KCNQ5: variants seen among roughly 807,000 people sequenced by gnomAD.
The protein encoded by KCNQ5 is potassium voltage-gated channel subfamily Q member 5, also known as potassium voltage-gated channel subfamily KQT member 5.
A neutral mutation model predicts 98.2 loss-of-function variants in KCNQ5; 30 were observed. The ratio of observed to expected loss-of-function variants is 0.31; its 90% confidence interval spans 0.23 to 0.41. The LOEUF is 0.41. Among genes scored for constraint, KCNQ5 ranks in the 10% least tolerant of loss-of-function variants. KCNQ5 has a pLI of 1.00. For missense variants in KCNQ5, 835 were observed against 1,182.5 expected (o/e 0.71, Z 4.31); for synonymous variants, 458 against 449.4 (o/e 1.02, Z -0.24).
chr6:72,798,311 G>A (rs11967126), intron 1 of KCNQ5, among the ~76,000 whole-genome samples: 8,019 of 152,194 alleles, frequency 0.053, 661 homozygotes, highest in African/African-American at 0.18. Flanking sequence ...CAAAGTTTAT[G>A]TGTTGGAAAG....
rs1443011487 is a variant in KCNQ5, at chr6:73,195,071, G to C, written c.2456G>C (p.Cys819Ser). 6.2e-7 allele frequency: 1 copy of C among 1,614,224 alleles called. No homozygotes were observed. ...DMGGETLLSV[C>S]PMVPKDLGKS... ...GGAGGAGAAACTCTGTTGTCTGTCT[G>C]TCCCATGGTGCCGAAGGACTTGGGC... Residue 819 changes from cysteine to serine, a missense_variant, in exon 14 of 14, where the codon TGT (cysteine) becomes TCT (serine). Cys to Ser is a moderately radical substitution (Grantham distance 112, BLOSUM62 -1). Coordinates refer to ENST00000370398, the MANE Select transcript of KCNQ5 (RefSeq NM_019842.4).
At chr6:72,672,086 G>A (rs1445711789) in intron 1 of KCNQ5, among the ~76,000 whole-genome samples, 1 of 150,870 alleles carries the variant, frequency 6.6e-6, no homozygotes, top group African/African-American at 2.4e-5. Flanking sequence ...AAAGTGCTGG[G>A]ATTACAGGCA....
chr6:73,075,303 A>C (rs1310265898), intron 3 of KCNQ5, among the ~76,000 whole-genome samples: 1 of 151,110 alleles, frequency 6.6e-6, no homozygotes, highest in Non-Finnish European at 1.5e-5. Context: ...GCTCACTGCA[A>C]CCTCCGCCTC....
At chr6:73,093,614 C>A (rs955085989) in intron 5 of KCNQ5, among the ~76,000 whole-genome samples, 1 of 151,918 alleles carries the variant, frequency 6.6e-6, no homozygotes, top group African/African-American at 2.4e-5. Context: ...GTCATTGTTG[C>A]CATTCAATTC....
At chr6:72,971,658 A>T (rs1653560208) in intron 1 of KCNQ5, among the ~76,000 whole-genome samples, 1 of 152,222 alleles carries the variant, frequency 6.6e-6, no homozygotes, top group Admixed American at 6.5e-5. Context: ...CTTTGCAGCC[A>T]TATAAAATGA....
chr6:72,742,345 G>A (rs943296356), intron 1 of KCNQ5, among the ~76,000 whole-genome samples: 1 of 152,138 alleles, frequency 6.6e-6, no homozygotes, highest in Non-Finnish European at 1.5e-5. Flanking sequence ...CTTTTGTAAT[G>A]CAATCTTGGA....
At chr6:72,773,177 C>T (rs1456473964) in intron 1 of KCNQ5, among the ~76,000 whole-genome samples, 1 of 152,122 alleles carries the variant, frequency 6.6e-6, no homozygotes, top group Non-Finnish European at 1.5e-5. Flanking sequence ...AAGACACATG[C>T]ACACATATGT....
chr6:72,884,778 G>A (rs1778787233), intron 1 of KCNQ5, among the ~76,000 whole-genome samples: 1 of 151,818 alleles, frequency 6.6e-6, no homozygotes, highest in African/African-American at 2.4e-5. Flanking sequence ...CACCATTTTT[G>A]CCTAATTTTT....
chr6:72,792,813 G>T (rs1774127023), intron 1 of KCNQ5, among the ~76,000 whole-genome samples: 1 of 152,232 alleles, frequency 6.6e-6, no homozygotes, highest in African/African-American at 2.4e-5. Context: ...ATTTAGGGAT[G>T]CATGGGAACA....
intron 3 of KCNQ5, among the ~76,000 whole-genome samples, chr6:73,054,196 G>A (rs914629552): frequency 6.6e-6 from 1 of 152,068 alleles, no homozygotes; most frequent in African/African-American, 2.4e-5. Context: ...AATTGAATCA[G>A]TAATAAAAAG....
At chr6:73,090,528 G>A (rs140562114) in intron 5 of KCNQ5, among the ~76,000 whole-genome samples, 4 of 152,264 alleles carry the variant, frequency 2.6e-5, no homozygotes, top group African/African-American at 7.2e-5. Context: ...ATCTTCTAGA[G>A]TGTTTATAGT....
intron 1 of KCNQ5, among the ~76,000 whole-genome samples, chr6:72,764,262 C>G (rs1182442363): frequency 4.6e-5 from 7 of 151,830 alleles, no homozygotes; most frequent in Non-Finnish European, 1.0e-4. Flanking sequence ...AAAAACCAAC[C>G]AACCAACAAA....
intron 1 of KCNQ5, among the ~76,000 whole-genome samples, chr6:72,839,778 C>A (rs964973131): frequency 6.6e-6 from 1 of 151,984 alleles, no homozygotes; most frequent in African/African-American, 2.4e-5. Context: ...TATCTATTAC[C>A]TCACGTAATT....
chr6:72,704,542 AT>A (rs1391216232), intron 1 of KCNQ5, among the ~76,000 whole-genome samples: 1 of 152,126 alleles, frequency 6.6e-6, no homozygotes, highest in Non-Finnish European at 1.5e-5. Flanking sequence ...TTTGCAAAAA[AT>A]AAAATCACAT....
chr6:72,949,786 C>T (rs975836106), intron 1 of KCNQ5, among the ~76,000 whole-genome samples: 6 of 152,112 alleles, frequency 3.9e-5, no homozygotes, highest in Non-Finnish European at 5.9e-5. Flanking sequence ...AGCTGCTGCT[C>T]CCACAAAAAT....
At chr6:73,079,256 G>T (rs1304552333) in intron 5 of KCNQ5, among the ~76,000 whole-genome samples, 1 of 152,206 alleles carries the variant, frequency 6.6e-6, no homozygotes, top group Admixed American at 6.5e-5. Flanking sequence ...CTTGTCTAAA[G>T]AATGTCCATA....
chr6:72,791,303 G>A (rs962119690), intron 1 of KCNQ5, among the ~76,000 whole-genome samples: 7 of 152,146 alleles, frequency 4.6e-5, no homozygotes, highest in African/African-American at 7.2e-5. Context: ...GTGCATGTGC[G>A]CACTGAATGA....
chr6:72,745,397 C>G, intron 1 of KCNQ5, among the ~76,000 whole-genome samples: 1 of 152,212 alleles, frequency 6.6e-6, no homozygotes, highest in South Asian at 2.1e-4. Flanking sequence ...GTAACTTTCA[C>G]ACTCCTTGCA....
intron 11 of KCNQ5, among the ~76,000 whole-genome samples, chr6:73,179,619 G>C (rs907264891): frequency 4.6e-5 from 7 of 152,110 alleles, no homozygotes; most frequent in African/African-American, 1.7e-4. Context: ...TAAAGTGAGG[G>C]GTTAAGGGGG....
Sources: gnomAD v4.1 joint callset for allele counts (sites outside exome capture counted in the v4.1 genomes callset) on GRCh38, gnomAD v4.1.1 for gene constraint, MANE v1.5 for transcripts, NCBI Gene and HGNC (gene_info 2026-07-23, HGNC 2026-07-21) for gene names.